Variants in MED13 observed in about 807,000 individuals in gnomAD.
MED13 encodes the protein mediator complex subunit 13.
MED13 carries 23 observed loss-of-function variants against 225.2 expected under a neutral mutation model. That is an observed-to-expected ratio of 0.10 (90% CI 0.07 to 0.14). MED13 has a LOEUF of 0.14. MED13 is among the 10% of genes least tolerant of loss of function. MED13 has a pLI of 1.00. For missense variants in MED13, 2,197 were observed against 2,594.5 expected, an observed-to-expected ratio of 0.85 and a Z score of 3.33; for synonymous variants, 942 against 889.2, an observed-to-expected ratio of 1.06 and a Z score of -1.06.
At chr17:61,975,602 C>G (rs1326463748) in intron 16 of MED13, among the ~76,000 whole-genome samples, 1 of 152,118 alleles carries the variant, frequency 6.6e-6, no homozygotes, top group Non-Finnish European at 1.5e-5. Flanking sequence ...GCTTGTAATC[C>G]CAGCTATCAG....
chr17:61,978,518 G>A (rs2080176491), intron 16 of MED13, among the ~76,000 whole-genome samples: 3 of 152,176 alleles, frequency 2.0e-5, no homozygotes, highest in East Asian at 1.9e-4. Flanking sequence ...TTTGTGGGGG[G>A]CCAAGGTGGG....
chr17:62,004,705 G>A (rs568107876), intron 9 of MED13: 5 of 152,160 alleles, frequency 3.3e-5, no homozygotes, highest in Non-Finnish European at 5.9e-5. Flanking sequence ...CTATGGGAGA[G>A]ATTTAAGCAA....
At chr17:62,058,133 ACTGAG>A (rs1291825654) in intron 2 of MED13, among the ~76,000 whole-genome samples, 2 of 152,160 alleles carry the variant, frequency 1.3e-5, no homozygotes, top group African/African-American at 2.4e-5. Flanking sequence ...GACCAGAGGG[ACTGAG>A]CTAAGATTTT....
rs543383614 is a variant in MED13 at position 61,957,280 on chromosome 17, A to C, written c.5481-799T>G. On this transcript the variant is annotated intron_variant, in intron 23 of 29. Coordinates refer to ENST00000397786, the MANE Select transcript of MED13 (RefSeq NM_005121.3). ...CAGGCTGGTCTCAACTCCCGACCTC[A>C]GGTGATCCTGTCTCAGCATCCCAAA... 4.0e-5 allele frequency among the ~76,000 whole-genome samples: 6 copies of C among 151,290 alleles called. No homozygotes were observed. In the South Asian group the frequency reaches 1.0e-3, roughly 26 times the overall value.
Position 62,020,849 on chromosome 17 carries a change from T to C in MED13, c.1283+8692A>G, listed in dbSNP as rs552014676. ...AGGACCCTGCGGCCTTCCTCAGTGTTTGTGTCCCTGGGTACTTGAGATTAG... is the reference window on the plus strand; with the variant it reads ...AGGACCCTGCGGCCTTCCTCAGTGTCTGTGTCCCTGGGTACTTGAGATTAG... On this transcript the variant is annotated intron_variant, in intron 8 of 29. Coordinates refer to ENST00000397786, the MANE Select transcript of MED13 (RefSeq NM_005121.3). Among the ~76,000 whole-genome samples, 31 of 152,144 alleles carry C rather than the reference T, an allele frequency of 2.0e-4. No individual in the cohort carries two copies. The East Asian group carries it at 5.2e-3, about 26-fold the overall frequency.
In MED13 at chr17:61,966,549, C is replaced by G. The variant is rs201812660; in HGVS notation, c.4294G>C (p.Ala1432Pro). 2.6e-4 allele frequency: 421 copies of G among 1,613,916 alleles called. 3 individuals are homozygous for G. Among genetic ancestry groups the G allele is most frequent in the Non-Finnish European group, 4.4e-5 (52 of 1,179,856 alleles). ...ASKKLSEKLV[A>P]EWFSQAADGN... ...TCAGCTGCCTGAGAAAACCATTCTG[C>G]TACCAACTTTTCTGATAGTTTCTTT... The change falls in exon 19 of 30, where the codon GCA becomes CCA. Residue 1432 changes from alanine (A) to proline (P), a missense_variant. This residue lies in a region of MED13 where 457 missense variants were observed against 442.2 expected (regional missense o/e 1.03). Transcript: ENST00000397786.
In MED13 at chr17:62,016,019, G is replaced by C. The variant is rs767802046; in HGVS notation, c.1284-4786C>G. ...GGTTTTTGCCATGTTGCCCAGGCTG[G>C]TCTCAAACTCCTGATCTCAAGTGAT... is the stretch of plus-strand genomic sequence containing the variant. On this transcript the variant is annotated intron_variant, in intron 8 of 29. Transcript: ENST00000397786. 1.0e-3 allele frequency among the ~76,000 whole-genome samples: 111 copies of C among 106,246 alleles called. 1 individual carries two copies. The highest frequency in any genetic ancestry group is 2.7e-4 in the Non-Finnish European group (15 of 55,148). 69.7% of individuals were successfully genotyped at this position (106,246 alleles called of 152,430 possible). A position where few individuals can be genotyped will look rare whatever the true frequency, so the allele number is the denominator to read the frequency against.
Position 61,968,214 on chromosome 17 carries a change from A to T in MED13, c.4012T>A (p.Leu1338Met). The change falls in exon 18 of 30, where the codon TTG becomes ATG. Residue 1338 changes from leucine to methionine, a missense_variant. Leu to Met is a conservative substitution (Grantham distance 15). Transcript: ENST00000397786. ...ACCAGATAATCATAATCATAACCCA[A>T]CAAAAATGTGGGGATTGGCAGTGGT... ...PEPLPIPTFL[L>M]GYDYDYLVLS... 1 of 1,614,064 alleles carries T rather than the reference A, an allele frequency of 6.2e-7. No homozygotes were observed. Among genetic ancestry groups the T allele is most frequent in the Non-Finnish European group, 8.5e-7 (1 of 1,179,962 alleles).
Position 61,972,990 on chromosome 17 carries a change from C to T in MED13, c.3806-102G>A, listed in dbSNP as rs2080122915. On this transcript the variant is annotated intron_variant, in intron 16 of 29. Coordinates refer to ENST00000397786, the MANE Select transcript of MED13 (RefSeq NM_005121.3). ...ACACATATAGGGAAGTTCAGGTCTT[C>T]AGCATCAAGAAGATTAAACCCTTAC... 6.7e-6 allele frequency: 6 copies of T among 896,004 alleles called. No homozygotes were observed. In the South Asian group the frequency reaches 1.2e-4, roughly 18 times the overall value. The allele number at this position is 896,004 out of a possible 1,614,324, so 55.5% of individuals were successfully genotyped here.
intron 2 of MED13, among the ~76,000 whole-genome samples, chr17:62,062,793 A>G (rs1419460741): frequency 6.6e-6 from 1 of 152,174 alleles, no homozygotes; most frequent in East Asian, 1.9e-4. Flanking sequence ...GATTAATGTA[A>G]CATGCCTTCT....
At chr17:61,981,364 T>C (rs548608753) in intron 16 of MED13, among the ~76,000 whole-genome samples, 35 of 152,150 alleles carry the variant, frequency 2.3e-4, no homozygotes, top group Non-Finnish European at 4.9e-4. Context: ...ATCATGTTAC[T>C]TTCCTTGTCA....
intron 6 of MED13, chr17:62,030,568 C>T (rs1882008373): frequency 2.6e-5 from 4 of 152,414 alleles, no homozygotes; most frequent in Middle Eastern, 3.4e-3. Flanking sequence ...CTGGGTCAGT[C>T]AATCATTGCT....
rs748648895 is a variant in MED13, at chr17:61,965,274, C to A, written c.4576G>T (p.Val1526Phe). Residue 1526 changes from valine to phenylalanine, a missense_variant, in exon 20 of 30, where the codon GTT (valine) becomes TTT (phenylalanine). Transcript: ENST00000397786. Reference protein sequence around the residue: ...VTSGVAISTSVATANSTLTTA... With the variant: ...VTSGVAISTSFATANSTLTTA... The stretch of plus-strand genomic sequence containing the variant: ...GTCAAAGTTGAATTAGCTGTGGCAA[C>A]TGAAGTAGATATGGCAACACCTGAA... 1.2e-6 allele frequency: 2 copies of A among 1,614,232 alleles called. No homozygotes were observed. Among genetic ancestry groups the A allele is most frequent in the Non-Finnish European group, 1.7e-6 (2 of 1,180,030 alleles).
intron 27 of MED13, 107 bp downstream of exon 27, chr17:61,952,858 A>G (rs1310923076): frequency 7.5e-7 from 1 of 1,324,972 alleles, no homozygotes; most frequent in Non-Finnish European, 1.0e-6. Flanking sequence ...GCTGGTCTCA[A>G]ACTCCTGACC....
At chr17:62,058,873 T>C (rs956869084) in intron 2 of MED13, among the ~76,000 whole-genome samples, 11 of 152,250 alleles carry the variant, frequency 7.2e-5, no homozygotes, top group Admixed American at 1.3e-4. Context: ...CAGACGTGAT[T>C]TGCTGTAACT....
chr17:61,955,431 T>C lies in MED13; in HGVS notation c.5919A>G (p.Ser1973=). The change falls in exon 26 of 30, where the codon TCA becomes TCG. Residue 1973 remains serine (S), a synonymous_variant. Coordinates refer to ENST00000397786, the MANE Select transcript of MED13 (RefSeq NM_005121.3). ...FPTSASVQVA[S]ATYTTENLDL... The stretch of plus-strand genomic sequence containing the variant: ...CCAAATTTTCAGTGGTATAAGTAGC[T>C]GAAGCTACTTGCACAGAAGCAGAAG... 1 of 1,589,684 alleles carries C rather than the reference T, an allele frequency of 6.3e-7. No individual in the cohort carries two copies. The highest frequency in any genetic ancestry group is 2.2e-5 in the East Asian group (1 of 44,590).
At chr17:62,000,513 TCA>T (rs1255956633) in intron 9 of MED13, among the ~76,000 whole-genome samples, 8 of 152,288 alleles carry the variant, frequency 5.3e-5, no homozygotes, top group African/African-American at 1.9e-4. Context: ...AGCCTAAGTA[TCA>T]ATCTCTCTCC....
chr17:62,020,744 T>C (rs1292569484), intron 8 of MED13, among the ~76,000 whole-genome samples: 1 of 150,678 alleles, frequency 6.6e-6, no homozygotes, highest in African/African-American at 2.4e-5. Context: ...AGAGGGGTAT[T>C]TGGCAGGGTC....
At chr17:61,952,429 G>C (rs930167557) in intron 27 of MED13, among the ~76,000 whole-genome samples, 2 of 152,136 alleles carry the variant, frequency 1.3e-5, no homozygotes, top group East Asian at 1.9e-4. Flanking sequence ...GAAAGATACT[G>C]TGATCCTACA....
Sources: gnomAD v4.1 joint callset for allele counts (sites outside exome capture counted in the v4.1 genomes callset) on GRCh38, gnomAD v4.1.1 for gene constraint, gnomAD v4.1.1 regional missense constraint, MANE v1.5 for transcripts, NCBI Gene and HGNC (gene_info 2026-07-23, HGNC 2026-07-21) for gene names.